The following STEAP3 variants were observed in gnomAD, a reference collection of about 807,000 sequenced individuals.
STEAP3 encodes the protein metalloreductase STEAP3.
Under a neutral mutation model 34.9 loss-of-function variants are expected in STEAP3, and 35 were observed. The observed-to-expected ratio is 1.00, with a 90% CI of 0.76 to 1.33. The LOEUF (loss-of-function observed/expected upper bound fraction) is 1.33. Ranked by LOEUF, STEAP3 falls within the 40% of genes most tolerant of loss-of-function variation. STEAP3 has a pLI of 0.00. For synonymous variants in STEAP3, 281 were observed against 301.6 expected (o/e 0.93, Z 0.71); for missense variants, 652 against 667.6 (o/e 0.98, Z 0.26).
chr2:119,239,018 G>A (rs1419091262), intron 2 of STEAP3, among the ~76,000 whole-genome samples: 1 of 152,166 alleles, frequency 6.6e-6, no homozygotes, highest in African/African-American at 2.4e-5. Context: ...GACCACAGGG[G>A]AAGAACTCCC....
chr2:119,245,845 C>A lies in STEAP3; in HGVS notation c.379C>A (p.Pro127Thr). Residue 127 changes from proline (P) to threonine (T), a missense_variant, in exon 3 of 6, where the codon CCT (proline) becomes ACT (threonine). Coordinates refer to ENST00000393110, the MANE Select transcript of STEAP3 (RefSeq NM_182915.3). ...CAAGATCCTGGTGGATGTGAGCAAC[C>A]CTACAGAGCAAGAGCACCTTCAGCA... ...AGKILVDVSN[P>T]TEQEHLQHRE... is the part of the protein sequence containing the mutation. The A allele has an allele frequency of 3.7e-6, 6 of 1,614,150 alleles. No homozygotes were observed. The highest frequency in any genetic ancestry group is 1.1e-5 in the South Asian group (1 of 91,074).
intron 1 of STEAP3, among the ~76,000 whole-genome samples, chr2:119,229,642 C>T (rs1679152917): frequency 6.6e-6 from 1 of 152,320 alleles, no homozygotes; most frequent in East Asian, 1.9e-4. Context: ...AACACAGCTG[C>T]CTGTCTGAAT....
chr2:119,260,315 T>G (rs1045223344), intron 5 of STEAP3, among the ~76,000 whole-genome samples: 1 of 123,186 alleles, frequency 8.1e-6, no homozygotes, highest in Non-Finnish European at 2.0e-5. Context: ...CTTTTTTTTT[T>G]TTTTCTTTTT....
chr2:119,236,782 T>G (rs1341403644), intron 2 of STEAP3, among the ~76,000 whole-genome samples: 1 of 152,168 alleles, frequency 6.6e-6, no homozygotes. Flanking sequence ...GGAACACATC[T>G]GCCCTGTTCA....
At chr2:119,254,113 T>C (rs137936851) in intron 4 of STEAP3, among the ~76,000 whole-genome samples, 2 of 151,290 alleles carry the variant, frequency 1.3e-5, no homozygotes, top group Non-Finnish European at 2.9e-5. Context: ...ATGGGGGCAG[T>C]GTGGGGCTCC....
chr2:119,253,597 G>A (rs1476741930), intron 4 of STEAP3, among the ~76,000 whole-genome samples: 1 of 152,040 alleles, frequency 6.6e-6, no homozygotes, highest in Non-Finnish European at 1.5e-5. Context: ...TGACATTATA[G>A]AATAAAAGTA....
chr2:119,224,900 C>T lies in STEAP3; in HGVS notation c.-394+1012C>T, dbSNP rs950795623. ...TTATCTCTTGTTAAAAATGGGGAAA[C>T]AGCCTCAGAGAGTCCACGTATTTTG... is the stretch of plus-strand genomic sequence containing the variant. On this transcript the variant is annotated intron_variant, in intron 1 of 5. Coordinates refer to ENST00000393110, the MANE Select transcript of STEAP3 (RefSeq NM_182915.3). Among the ~76,000 whole-genome samples, 3 of 152,204 alleles carry T rather than the reference C, an allele frequency of 2.0e-5. 1 individual carries two copies. Among genetic ancestry groups the T allele is most frequent in the Admixed American group, 2.0e-4 (3 of 15,280 alleles).
At chr2:119,230,155 C>T (rs1322034077) in intron 1 of STEAP3, among the ~76,000 whole-genome samples, 1 of 152,200 alleles carries the variant, frequency 6.6e-6, no homozygotes, top group Admixed American at 6.5e-5. Context: ...CAATAGAATA[C>T]ACTTATCCCT....
At chr2:119,257,994 A>T (rs1677825530) in intron 5 of STEAP3, among the ~76,000 whole-genome samples, 1 of 152,256 alleles carries the variant, frequency 6.6e-6, no homozygotes, top group Non-Finnish European at 1.5e-5. Context: ...CTCCATAGTC[A>T]GAGCAGCGGC....
intron 1 of STEAP3, among the ~76,000 whole-genome samples, chr2:119,227,181 T>C (rs1458759093): frequency 6.6e-6 from 1 of 151,032 alleles, no homozygotes; most frequent in East Asian, 1.9e-4. Context: ...TCAGGACCTA[T>C]AGCTCATGTG....
At position 119,247,999 on chromosome 2, in the gene STEAP3, C is replaced by CT; in HGVS notation, c.845dup (p.Leu282PhefsTer254). 1 of 1,611,960 alleles carries CT rather than the reference C, an allele frequency of 6.2e-7. No individual in the cohort carries two copies. Among genetic ancestry groups the CT allele is most frequent in the Non-Finnish European group, 8.5e-7 (1 of 1,179,932 alleles). Reference sequence around the variant, plus strand: ...CCTACGTGCTGCTGTCACTCGTGTACTTGCCCGGCGTGCTGGCGGCTGCCC... The same window carrying CT: ...CCTACGTGCTGCTGTCACTCGTGTACTTTGCCCGGCGTGCTGGCGGCTGCCC... On this transcript the variant is annotated frameshift_variant, in exon 4 of 6. Coordinates refer to ENST00000393110, the MANE Select transcript of STEAP3 (RefSeq NM_182915.3). LOFTEE classifies it high-confidence loss of function.
chr2:119,226,833 G>A (rs762602252), intron 1 of STEAP3, among the ~76,000 whole-genome samples: 2 of 152,078 alleles, frequency 1.3e-5, no homozygotes, highest in Non-Finnish European at 2.9e-5. Flanking sequence ...TTATCTACAG[G>A]AGCTCATTTG....
intron 5 of STEAP3, among the ~76,000 whole-genome samples, chr2:119,261,198 G>T (rs1677931863): frequency 6.6e-6 from 1 of 152,068 alleles, no homozygotes; most frequent in Non-Finnish European, 1.5e-5. Context: ...GGCCCAATGT[G>T]GAATCAGACC....
Position 119,230,915 on chromosome 2 carries a change from C to T in STEAP3, c.-98C>T. On this transcript the variant is annotated 5_prime_UTR_variant, in exon 2 of 6. Coordinates refer to ENST00000393110, the MANE Select transcript of STEAP3 (RefSeq NM_182915.3). ...GAGAAACCGAGAGTCAGAACCAAAGCCAGGCTGTCCTGGTTGGAGACTGAG... is the reference window on the plus strand; with the variant it reads ...GAGAAACCGAGAGTCAGAACCAAAGTCAGGCTGTCCTGGTTGGAGACTGAG... 1 of 1,547,802 alleles carries T rather than the reference C, an allele frequency of 6.5e-7. No homozygotes were observed. The highest frequency in any genetic ancestry group is 8.9e-7 in the Non-Finnish European group (1 of 1,120,468).
Position 119,261,346 on chromosome 2 carries a change from C to T in STEAP3, c.1216-1711C>T, listed in dbSNP as rs138641808. On this transcript the variant is annotated intron_variant, in intron 5 of 5. Coordinates refer to ENST00000393110, the MANE Select transcript of STEAP3 (RefSeq NM_182915.3). ...AGACCACCCAGAGGTCTCAGTGTGCCGCCACACTTAAATTACACCCTCGCA... is the reference window on the plus strand; with the variant it reads ...AGACCACCCAGAGGTCTCAGTGTGCTGCCACACTTAAATTACACCCTCGCA... Among the ~76,000 whole-genome samples, 14 of 152,208 alleles carry T rather than the reference C, an allele frequency of 9.2e-5. No homozygotes were observed. In the East Asian group the frequency reaches 2.3e-3, roughly 25 times the overall value.
chr2:119,230,192 T>C (rs930797135), intron 1 of STEAP3, among the ~76,000 whole-genome samples: 2 of 152,162 alleles, frequency 1.3e-5, no homozygotes, highest in Admixed American at 1.3e-4. Flanking sequence ...ATAATTCACT[T>C]CAACAATGCA....
At position 119,254,737 on chromosome 2, in the gene STEAP3, G is replaced by T; in HGVS notation, c.1104G>T (p.Glu368Asp). The change falls in exon 5 of 6, where the codon GAG becomes GAT. Residue 368 changes from glutamate to aspartate, a missense_variant. Coordinates refer to ENST00000393110, the MANE Select transcript of STEAP3 (RefSeq NM_182915.3). ...TGGAGGAGGAGGTCTGGCGGATGGAGATCTACCTCTCCCTGGGAGTGCTGG... is the reference window on the plus strand; with the variant it reads ...TGGAGGAGGAGGTCTGGCGGATGGATATCTACCTCTCCCTGGGAGTGCTGG... ...LWVEEEVWRM[E>D]IYLSLGVLAL... 6.2e-7 allele frequency: 1 copy of T among 1,614,176 alleles called. No homozygotes were observed. Among genetic ancestry groups the T allele is most frequent in the Non-Finnish European group, 8.5e-7 (1 of 1,180,030 alleles).
rs760497027 is a variant in STEAP3 at position 119,233,064 on chromosome 2, GA to G, written c.22+2032del. 2.6e-5 allele frequency among the ~76,000 whole-genome samples: 4 copies of G among 152,238 alleles called. No homozygotes were observed. The South Asian group carries it at 8.3e-4, about 31-fold the overall frequency. On this transcript the variant is annotated intron_variant, in intron 2 of 5. Coordinates refer to ENST00000393110, the MANE Select transcript of STEAP3 (RefSeq NM_182915.3). ...CATAGATCAGGCAGACCCAGGTTTG[GA>G]AGGGCCAAGGAGACAGCACATCTGC... is the stretch of plus-strand genomic sequence containing the variant.
rs1678077726 is a variant in STEAP3, at chr2:119,265,313, AT to A, written c.*1976del. On this transcript the variant is annotated 3_prime_UTR_variant, in exon 6 of 6. Transcript: ENST00000393110. ...GAAGGTGCTCAAGAGGGAAGCAATT[AT>A]AAGGTGGGTGGCAGGAGGGAACAGG... The A allele has an allele frequency of 6.6e-6, 1 of 152,218 alleles. No individual in the cohort carries two copies. Among genetic ancestry groups the A allele is most frequent in the African/African-American group, 2.4e-5 (1 of 41,428 alleles). The allele number at this position is 152,218 out of a possible 1,614,324, so 9.4% of individuals were successfully genotyped here.
Sources: gnomAD v4.1 joint callset for allele counts (sites outside exome capture counted in the v4.1 genomes callset) on GRCh38, gnomAD v4.1.1 for gene constraint, MANE v1.5 for transcripts, NCBI Gene and HGNC (gene_info 2026-07-23, HGNC 2026-07-21) for gene names.